The following BRD4 variants were observed in gnomAD, a reference collection of about 807,000 sequenced individuals.
BRD4 encodes bromodomain containing 4.
A neutral mutation model predicts 142.1 loss-of-function variants in BRD4; 16 were observed. The ratio of observed to expected loss-of-function variants is 0.11; its 90% CI spans 0.08 to 0.17. The LOEUF is 0.17. Ranked by LOEUF, BRD4 falls within the 10% of genes least tolerant of loss-of-function variation. The probability of loss-of-function intolerance (pLI) is 1.00; values close to 1 mark genes in which losing one functional copy is unlikely to be tolerated. For missense variants in BRD4, 1,424 were observed against 1,810.9 expected (o/e 0.79, Z 3.88); for synonymous variants, 833 against 707.5 (o/e 1.18, Z -2.82).
intron 1 of BRD4, among the ~76,000 whole-genome samples, chr19:15,307,325 C>T (rs989655810): frequency 1.3e-5 from 2 of 152,156 alleles, no homozygotes. Context: ...CTAACTCTGA[C>T]AGGTGGATGG....
At chr19:15,298,983 T>C (rs1442901481) in intron 1 of BRD4, among the ~76,000 whole-genome samples, 1 of 152,224 alleles carries the variant, frequency 6.6e-6, no homozygotes, top group Admixed American at 6.5e-5. Flanking sequence ...AACAACCCTC[T>C]TCTGCCGGCA....
chr19:15,239,949 G>A lies in BRD4; in HGVS notation c.3243C>T (p.His1081=). 6.2e-7 allele frequency: 1 copy of A among 1,614,088 alleles called. No individual in the cohort carries two copies. The highest frequency in any genetic ancestry group is 8.5e-7 in the Non-Finnish European group (1 of 1,180,012). The change falls in exon 15 of 20, where the codon CAC becomes CAT. Residue 1081 remains histidine (H), a synonymous_variant. Transcript: ENST00000679869. This position sits in a 1 kb window ranked among gnomAD's most constrained non-coding sequence, Gnocchi z 7.4. ...PQMSQFQSLT[H]QSPPQQNVQP... ...GGACGTTTTGCTGGGGTGGAGACTG[G>A]TGGGTCAGGCTCTGGAACTGTGACA... is the stretch of plus-strand genomic sequence containing the variant.
chr19:15,262,320 T>C (rs1164979893), intron 7 of BRD4, among the ~76,000 whole-genome samples: 3 of 152,202 alleles, frequency 2.0e-5, no homozygotes, highest in African/African-American at 7.2e-5. Flanking sequence ...CACCTCATGA[T>C]GGCTCTGACC....
intron 11 of BRD4, among the ~76,000 whole-genome samples, chr19:15,245,576 A>G (rs1245556567): frequency 1.3e-5 from 2 of 152,014 alleles, no homozygotes; most frequent in African/African-American, 4.8e-5. Flanking sequence ...TGCCCCTGAG[A>G]GGTGTACTCG....
rs1158209941 is a variant in BRD4 at position 15,244,595 on chromosome 19, A to G, written c.2217T>C (p.His739=). The G allele has an allele frequency of 5.6e-6, 9 of 1,611,600 alleles. No homozygotes were observed. In the South Asian group the frequency reaches 6.6e-5, roughly 12 times the overall value. The part of the protein sequence containing the change: ...GHPGREQKKH[H]HHHHQQMQQA... ...GCTGCATCTGCTGATGGTGGTGATGATGGTGCTGCAGACAGAGAGACAGAC... is the reference window on the plus strand; with the variant it reads ...GCTGCATCTGCTGATGGTGGTGATGGTGGTGCTGCAGACAGAGAGACAGAC... Residue 739 remains histidine (H), a synonymous_variant, in exon 13 of 20, where the codon CAT becomes CAC. Coordinates refer to ENST00000679869, the MANE Select transcript of BRD4 (RefSeq NM_001379291.1).
intron 1 of BRD4, among the ~76,000 whole-genome samples, chr19:15,329,098 TAAC>T (rs2048134963): frequency 2.6e-5 from 4 of 151,922 alleles, no homozygotes; most frequent in Non-Finnish European, 5.9e-5. Flanking sequence ...TTTTTTAAGT[TAAC>T]AAGGAAATTT....
chr19:15,315,511 G>GT (rs1394893842), intron 1 of BRD4, among the ~76,000 whole-genome samples: 3 of 146,136 alleles, frequency 2.1e-5, no homozygotes, highest in African/African-American at 7.7e-5. Context: ...TAAGGGGATT[G>GT]GGGGGGGGAA....
chr19:15,310,292 C>A (rs983954401), intron 1 of BRD4, among the ~76,000 whole-genome samples: 4 of 133,746 alleles, frequency 3.0e-5, no homozygotes, highest in Non-Finnish European at 6.2e-5. Flanking sequence ...CAGCTCACTG[C>A]AACCTCCGCC....
intron 1 of BRD4, among the ~76,000 whole-genome samples, chr19:15,281,729 T>C (rs2047705951): frequency 6.6e-6 from 1 of 152,206 alleles, no homozygotes; most frequent in Non-Finnish European, 1.5e-5. Flanking sequence ...ATCAAAACTG[T>C]TGGGTTGGCC....
intron 1 of BRD4, among the ~76,000 whole-genome samples, chr19:15,284,547 C>T (rs1185735752): frequency 6.6e-6 from 1 of 152,186 alleles, no homozygotes; most frequent in Non-Finnish European, 1.5e-5. Context: ...GGTAAACAGG[C>T]CAAGGGGTCC....
At chr19:15,253,595 A>T in intron 11 of BRD4, 1 of 1,590,548 alleles carries the variant, frequency 6.3e-7, no homozygotes, top group Non-Finnish European at 8.5e-7. Flanking sequence ...CACTCTGGGG[A>T]GGGGTAGGCA....
intron 7 of BRD4, among the ~76,000 whole-genome samples, chr19:15,260,874 G>C (rs1295042297): frequency 6.6e-6 from 1 of 151,860 alleles, no homozygotes; most frequent in Admixed American, 6.6e-5. Flanking sequence ...GTGGCTCCAG[G>C]GTGTCAGGAG....
chr19:15,310,274 C>G (rs918475945), intron 1 of BRD4, among the ~76,000 whole-genome samples: 1 of 117,362 alleles, frequency 8.5e-6, no homozygotes, highest in African/African-American at 3.3e-5. Flanking sequence ...AGTGCAATGG[C>G]GTGATCTCAG....
At chr19:15,289,097 C>T (rs2047761887) in intron 1 of BRD4, among the ~76,000 whole-genome samples, 1 of 152,210 alleles carries the variant, frequency 6.6e-6, no homozygotes, top group Non-Finnish European at 1.5e-5. Context: ...AGTAACCCCA[C>T]TCCCCGACAC....
intron 1 of BRD4, among the ~76,000 whole-genome samples, chr19:15,289,560 T>C: frequency 6.7e-6 from 1 of 148,212 alleles, no homozygotes; most frequent in East Asian, 2.0e-4. Flanking sequence ...TTAAAATAAA[T>C]AAATAAATAA....
chr19:15,255,699 C>T, intron 9 of BRD4, 107 bp from the exon 10 acceptor site: 1 of 1,369,936 alleles, frequency 7.3e-7, no homozygotes, highest in Non-Finnish European at 9.8e-7. Context: ...TCCCATACCC[C>T]CCACCCACCA....
chr19:15,272,278 C>T (rs974333034), intron 2 of BRD4, among the ~76,000 whole-genome samples: 1 of 152,164 alleles, frequency 6.6e-6, no homozygotes, highest in African/African-American at 2.4e-5. Context: ...GCAGCCACAG[C>T]CACCTTTCTC....
Position 15,237,331 on chromosome 19 carries a change from G to C in BRD4, c.*1046C>G, listed in dbSNP as rs1029712596. 2.4e-5 allele frequency: 5 copies of C among 210,184 alleles called. No individual in the cohort carries two copies. The highest frequency in any genetic ancestry group is 4.7e-5 in the Non-Finnish European group (5 of 105,364). 13.0% of individuals were successfully genotyped at this position (210,184 alleles called of 1,614,324 possible). A position where few individuals can be genotyped will look rare whatever the true frequency, so the allele number is the denominator to read the frequency against. Reference sequence around the variant, plus strand: ...AAATAGACTAATAAAGTTTGAAACTGAGTAAAATATAGGCAGGATTTTTTT... The same window carrying C: ...AAATAGACTAATAAAGTTTGAAACTCAGTAAAATATAGGCAGGATTTTTTT... On this transcript the variant is annotated 3_prime_UTR_variant, in exon 20 of 20. Transcript: ENST00000679869.
chr19:15,248,955 T>C (rs1332722278), intron 11 of BRD4: 1 of 475,760 alleles, frequency 2.1e-6, no homozygotes, highest in Admixed American at 3.4e-5. Context: ...TGAATGCATG[T>C]GTTGGGGATT....
Sources: allele counts gnomAD v4.1 joint callset (sites outside exome capture counted in the v4.1 genomes callset), GRCh38; gene constraint gnomAD v4.1.1; non-coding constraint Gnocchi (gnomAD v3.1); transcripts MANE v1.5; gene names NCBI Gene and HGNC (gene_info 2026-07-23, HGNC 2026-07-21).